The following HS6ST3 variants were observed in gnomAD, a reference collection of about 807,000 sequenced individuals.
The protein encoded by HS6ST3 is heparan-sulfate 6-O-sulfotransferase 3.
In HS6ST3, 12 loss-of-function variants were observed where a neutral mutation model predicts 36.7. That is an observed-to-expected ratio of 0.33 (90% CI 0.21 to 0.53). The LOEUF (loss-of-function observed/expected upper bound fraction) is 0.53, where lower values mean the gene tolerates loss of function less well. Among genes scored for constraint, HS6ST3 ranks in the 20% least tolerant of loss-of-function variants. HS6ST3 has a pLI of 0.95. For missense variants in HS6ST3, 584 were observed against 640.9 expected (o/e 0.91, Z 0.96); for synonymous variants, 240 against 257.5 (o/e 0.93, Z 0.65).
chr13:96,326,984 G>A (rs1269366577), intron 1 of HS6ST3, among the ~76,000 whole-genome samples: 12 of 148,862 alleles, frequency 8.1e-5, no homozygotes, highest in Non-Finnish European at 1.5e-4. Context: ...CTTCTTTTGA[G>A]AAGTGTCTGT....
At chr13:96,448,099 T>C (rs1418586816) in intron 1 of HS6ST3, among the ~76,000 whole-genome samples, 1 of 152,230 alleles carries the variant, frequency 6.6e-6, no homozygotes, top group Non-Finnish European at 1.5e-5. Context: ...TTGCAGCTGA[T>C]TGAAGCCAGA....
intron 1 of HS6ST3, among the ~76,000 whole-genome samples, chr13:96,799,982 GTATA>G (rs796234757): frequency 7.3e-5 from 6 of 82,558 alleles, no homozygotes; most frequent in East Asian, 5.5e-4. Context: ...ATATATATAT[GTATA>G]TATATATATA....
chr13:96,628,027 T>A lies in HS6ST3; in HGVS notation c.708-204463T>A, dbSNP rs78564804. ...TTTGTTTTCCAGTTCTTTATTCTCT[T>A]TGTGAATGTGTTTATTTAATGTGCT... On this transcript the variant is annotated intron_variant, in intron 1 of 1. Coordinates refer to ENST00000376705, the MANE Select transcript of HS6ST3 (RefSeq NM_153456.4). Among the ~76,000 whole-genome samples the A allele has an allele frequency of 1.6e-4, 24 of 152,046 alleles. No homozygotes were observed. In the East Asian group the frequency reaches 3.9e-3, roughly 24 times the overall value.
At chr13:96,110,399 A>G (rs1283158117) in intron 1 of HS6ST3, among the ~76,000 whole-genome samples, 1 of 147,654 alleles carries the variant, frequency 6.8e-6, no homozygotes, top group Admixed American at 6.7e-5. Flanking sequence ...CACCTTGAAC[A>G]TAGGGGATCA....
intron 1 of HS6ST3, among the ~76,000 whole-genome samples, chr13:96,145,565 A>G (rs1244642493): frequency 6.6e-6 from 1 of 152,066 alleles, no homozygotes; most frequent in Non-Finnish European, 1.5e-5. Flanking sequence ...CCTTTGTCAG[A>G]TGAGTAGGTT....
intron 1 of HS6ST3, among the ~76,000 whole-genome samples, chr13:96,350,442 G>A (rs2055176029): frequency 6.6e-6 from 1 of 152,192 alleles, no homozygotes; most frequent in African/African-American, 2.4e-5. Context: ...AAAAGTCTTG[G>A]CATAACATTT....
chr13:96,219,066 GTA>G (rs1407696355), intron 1 of HS6ST3, among the ~76,000 whole-genome samples: 1 of 152,114 alleles, frequency 6.6e-6, no homozygotes, highest in Non-Finnish European at 1.5e-5. Context: ...GCCAGTCCCT[GTA>G]CATTTTCCCA....
At chr13:96,271,687 C>T (rs182430714) in intron 1 of HS6ST3, among the ~76,000 whole-genome samples, 85 of 152,054 alleles carry the variant, frequency 5.6e-4, no homozygotes, top group East Asian at 4.4e-3. Context: ...TAGGAATTTA[C>T]GCAGAAGCTG....
chr13:96,357,639 T>C (rs892031164), intron 1 of HS6ST3, among the ~76,000 whole-genome samples: 3 of 152,154 alleles, frequency 2.0e-5, no homozygotes, highest in African/African-American at 4.8e-5. Flanking sequence ...CATAGCTCAC[T>C]GCAGTCTTGA....
At chr13:96,502,228 G>A (rs944893323) in intron 1 of HS6ST3, among the ~76,000 whole-genome samples, 4 of 152,132 alleles carry the variant, frequency 2.6e-5, no homozygotes, top group African/African-American at 9.7e-5. Flanking sequence ...ATATCTGGTA[G>A]TTTCATGGTC....
intron 1 of HS6ST3, among the ~76,000 whole-genome samples, chr13:96,336,996 C>A (rs1048548327): frequency 6.6e-5 from 10 of 152,142 alleles, no homozygotes; most frequent in African/African-American, 2.2e-4. Context: ...TCATCCTCAA[C>A]CCTGACATAA....
intron 1 of HS6ST3, among the ~76,000 whole-genome samples, chr13:96,779,184 G>A (rs1431965352): frequency 6.6e-6 from 1 of 152,078 alleles, no homozygotes; most frequent in Non-Finnish European, 1.5e-5. Flanking sequence ...TGGGGGGCTA[G>A]GGGAGGGATA....
intron 1 of HS6ST3, among the ~76,000 whole-genome samples, chr13:96,746,053 AT>A (rs1876553604): frequency 6.6e-6 from 1 of 152,094 alleles, no homozygotes; most frequent in Admixed American, 6.6e-5. Context: ...CAAGAAATGC[AT>A]TTGATTTGTT....
Position 96,759,977 on chromosome 13 carries a change from A to G in HS6ST3, c.708-72513A>G, listed in dbSNP as rs560695414. ...AGTGTTTGCCTTCAGCCCACCTTTC[A>G]GTACTTAGGACATGTTTTTTTTTGC... On this transcript the variant is annotated intron_variant, in intron 1 of 1. Coordinates refer to ENST00000376705, the MANE Select transcript of HS6ST3 (RefSeq NM_153456.4). Among the ~76,000 whole-genome samples the G allele has an allele frequency of 2.6e-5, 4 of 152,000 alleles. No homozygotes were observed. The South Asian group carries it at 8.3e-4, about 32-fold the overall frequency.
intron 1 of HS6ST3, among the ~76,000 whole-genome samples, chr13:96,209,447 G>T (rs931625584): frequency 1.3e-5 from 2 of 152,158 alleles, no homozygotes; most frequent in Admixed American, 1.3e-4. Flanking sequence ...CTTCGTTATT[G>T]TTGGCCTCTA....
chr13:96,810,013 G>GA (rs1878282448), intron 1 of HS6ST3, among the ~76,000 whole-genome samples: 1 of 152,054 alleles, frequency 6.6e-6, no homozygotes, highest in Non-Finnish European at 1.5e-5. Flanking sequence ...CAGGACTAAG[G>GA]AAAAAAGTGC....
intron 1 of HS6ST3, among the ~76,000 whole-genome samples, chr13:96,584,323 T>A (rs1466572527): frequency 6.6e-6 from 1 of 152,082 alleles, no homozygotes; most frequent in Non-Finnish European, 1.5e-5. Context: ...TTTGTATTTT[T>A]AGTAGAGATG....
chr13:96,311,939 G>A (rs1258859111), intron 1 of HS6ST3, among the ~76,000 whole-genome samples: 1 of 140,528 alleles, frequency 7.1e-6, no homozygotes, highest in Non-Finnish European at 1.5e-5. Context: ...CATTTTCTTT[G>A]GCTATTAAGT....
chr13:96,164,511 C>T (rs1296136340), intron 1 of HS6ST3, among the ~76,000 whole-genome samples: 1 of 151,646 alleles, frequency 6.6e-6, no homozygotes, highest in African/African-American at 2.4e-5. Flanking sequence ...TTGCTATGAT[C>T]CCACCACTGC....
Sources: allele counts gnomAD v4.1 joint callset (sites outside exome capture counted in the v4.1 genomes callset), GRCh38; gene constraint gnomAD v4.1.1; transcripts MANE v1.5; gene names NCBI Gene and HGNC (gene_info 2026-07-23, HGNC 2026-07-21).